MACROD2: variants seen among roughly 807,000 people sequenced by gnomAD.
MACROD2 encodes the protein mono-ADP ribosylhydrolase 2.
A neutral mutation model predicts 70.4 loss-of-function variants in MACROD2; 36 were observed. That is an observed-to-expected ratio of 0.51 (90% CI 0.39 to 0.68). The LOEUF is 0.68. Ranked by LOEUF, MACROD2 falls within the 30% of genes least tolerant of loss-of-function variation. MACROD2 has a pLI of 0.00. For missense variants in MACROD2, 496 were observed against 538.4 expected (o/e 0.92, Z 0.78); for synonymous variants, 172 against 178.8 (o/e 0.96, Z 0.30).
Position 14,071,252 on chromosome 20 carries a change from G to GTTTTTTTTTTTTTTTTTTTTTTT in MACROD2, c.164-14365_164-14343dup, listed in dbSNP as rs59052053. On this transcript the variant is annotated intron_variant, in intron 2 of 17. Transcript: ENST00000684519. ...GACAGTATTGGCCATTTCATCTTGTGTTTTTTTTTTTTTTTTTTTTTTTTT... is the reference window on the plus strand; with the variant it reads ...GACAGTATTGGCCATTTCATCTTGTGTTTTTTTTTTTTTTTTTTTTTTTTTTTTTTTTTTTTTTTTTTTTTTTT... Among the ~76,000 whole-genome samples the GTTTTTTTTTTTTTTTTTTTTTTT allele has an allele frequency of 1.7e-4, 11 of 63,956 alleles. 4 individuals are homozygous for GTTTTTTTTTTTTTTTTTTTTTTT. Among genetic ancestry groups the GTTTTTTTTTTTTTTTTTTTTTTT allele is most frequent in the African/African-American group, 4.4e-4 (7 of 15,800 alleles). The allele number at this position is 63,956 out of a possible 152,430, so 42.0% of individuals were successfully genotyped here. A position where few individuals can be genotyped will look rare whatever the true frequency, so the allele number is the denominator to read the frequency against.
At chr20:15,085,605 A>G (rs1022462373) in intron 5 of MACROD2, among the ~76,000 whole-genome samples, 2 of 152,098 alleles carry the variant, frequency 1.3e-5, no homozygotes, top group East Asian at 3.8e-4. Flanking sequence ...ATGTAAGTAT[A>G]TACAAGGGGA....
intron 4 of MACROD2, among the ~76,000 whole-genome samples, chr20:14,601,339 T>A (rs1334014206): frequency 6.6e-6 from 1 of 152,006 alleles, no homozygotes; most frequent in Non-Finnish European, 1.5e-5. Context: ...CACAATAGGG[T>A]TAGTGCTCCT....
At chr20:15,955,979 A>C (rs1346736966) in intron 12 of MACROD2, among the ~76,000 whole-genome samples, 2 of 152,198 alleles carry the variant, frequency 1.3e-5, no homozygotes, top group South Asian at 2.1e-4. Flanking sequence ...AGGAAAAAAA[A>C]ACTAAAAATA....
At chr20:15,714,541 G>A (rs1022303087) in intron 8 of MACROD2, among the ~76,000 whole-genome samples, 1 of 152,090 alleles carries the variant, frequency 6.6e-6, no homozygotes, top group African/African-American at 2.4e-5. Context: ...AGAGAAGCTG[G>A]GTAGTTGCTT....
At chr20:15,786,082 G>A (rs6135515) in intron 8 of MACROD2, among the ~76,000 whole-genome samples, 35,444 of 151,002 alleles carry the variant, frequency 0.23, 4,566 homozygotes, top group East Asian at 0.36. Context: ...GTTAAGCCCC[G>A]TTAAAAATAA....
chr20:15,673,509 A>G (rs754856063), intron 8 of MACROD2, among the ~76,000 whole-genome samples: 1 of 152,180 alleles, frequency 6.6e-6, no homozygotes, highest in African/African-American at 2.4e-5. Context: ...CATAAGTGGA[A>G]GCCCAAGAAT....
intron 3 of MACROD2, among the ~76,000 whole-genome samples, chr20:14,165,850 G>A (rs918160883): frequency 6.6e-6 from 1 of 152,148 alleles, no homozygotes; most frequent in African/African-American, 2.4e-5. Context: ...TATCCTGCCT[G>A]TTTGGCCTTT....
intron 2 of MACROD2, among the ~76,000 whole-genome samples, chr20:14,010,969 G>A (rs941036416): frequency 6.6e-5 from 10 of 152,174 alleles, no homozygotes; most frequent in African/African-American, 2.4e-4. Flanking sequence ...TTTCAGTGGT[G>A]TAATTCTTCC....
At chr20:15,547,137 T>C (rs909483560) in intron 8 of MACROD2, among the ~76,000 whole-genome samples, 9 of 152,214 alleles carry the variant, frequency 5.9e-5, no homozygotes, top group Non-Finnish European at 2.9e-5. Context: ...AGCCCATTAG[T>C]GTGGCCTTCA....
chr20:14,821,929 G>T (rs928342519), intron 5 of MACROD2, among the ~76,000 whole-genome samples: 3 of 152,018 alleles, frequency 2.0e-5, no homozygotes, highest in African/African-American at 7.2e-5. Flanking sequence ...GCCTCAGACT[G>T]GTCCTTCTAC....
At chr20:15,173,587 A>G (rs1164210028) in intron 5 of MACROD2, among the ~76,000 whole-genome samples, 1 of 152,216 alleles carries the variant, frequency 6.6e-6, no homozygotes, top group East Asian at 1.9e-4. Context: ...CATTCCATTA[A>G]GGTGAATTCT....
chr20:15,374,391 G>A (rs1315947705), intron 6 of MACROD2, among the ~76,000 whole-genome samples: 1 of 151,790 alleles, frequency 6.6e-6, no homozygotes, highest in Non-Finnish European at 1.5e-5. Context: ...TTATATGTGT[G>A]TATGTGTATA....
At chr20:14,146,147 CCT>C (rs1452873379) in intron 3 of MACROD2, among the ~76,000 whole-genome samples, 1 of 152,042 alleles carries the variant, frequency 6.6e-6, no homozygotes, top group Non-Finnish European at 1.5e-5. Context: ...ACGGTGAAAC[CCT>C]GTCTCTACTA....
chr20:15,217,190 A>G (rs1325784040), intron 5 of MACROD2, among the ~76,000 whole-genome samples: 1 of 152,186 alleles, frequency 6.6e-6, no homozygotes, highest in Non-Finnish European at 1.5e-5. Context: ...ATGAACTTTG[A>G]GAGTATAATG....
At chr20:14,225,923 A>T (rs1163332667) in intron 3 of MACROD2, among the ~76,000 whole-genome samples, 1 of 152,164 alleles carries the variant, frequency 6.6e-6, no homozygotes, top group Non-Finnish European at 1.5e-5. Context: ...ATAGTGTCCT[A>T]ATGGTGGCTG....
chr20:15,138,399 G>A (rs1219061200), intron 5 of MACROD2, among the ~76,000 whole-genome samples: 2 of 152,120 alleles, frequency 1.3e-5, no homozygotes, highest in African/African-American at 4.8e-5. Flanking sequence ...CATGTGAAAT[G>A]TCTCATAATG....
At chr20:14,292,689 C>T (rs2082396321) in intron 3 of MACROD2, among the ~76,000 whole-genome samples, 1 of 151,882 alleles carries the variant, frequency 6.6e-6, no homozygotes, top group Non-Finnish European at 1.5e-5. Flanking sequence ...GGCTGGAGTG[C>T]AGAGGTGTGA....
At chr20:14,654,112 A>C (rs998344220) in intron 4 of MACROD2, among the ~76,000 whole-genome samples, 1 of 152,170 alleles carries the variant, frequency 6.6e-6, no homozygotes, top group African/African-American at 2.4e-5. Context: ...ATAATATATT[A>C]TAATAATTAT....
intron 5 of MACROD2, among the ~76,000 whole-genome samples, chr20:14,712,581 A>G (rs1399531288): frequency 1.3e-5 from 2 of 152,148 alleles, no homozygotes; most frequent in African/African-American, 4.8e-5. Flanking sequence ...ATTTTACCAC[A>G]TCTCAAGTAT....
Sources: allele counts gnomAD v4.1 joint callset (sites outside exome capture counted in the v4.1 genomes callset), GRCh38; gene constraint gnomAD v4.1.1; transcripts MANE v1.5; gene names NCBI Gene and HGNC (gene_info 2026-07-23, HGNC 2026-07-21).